The following DLG2 variants were observed in gnomAD, a reference collection of about 807,000 sequenced individuals.
DLG2 encodes disks large homolog 2.
DLG2 carries 45 observed loss-of-function variants against 132.5 expected under a neutral mutation model. That is an observed-to-expected ratio of 0.34 (90% CI 0.27 to 0.44). The LOEUF is 0.44. Among genes scored for constraint, DLG2 ranks in the 20% least tolerant of loss-of-function variants. The pLI is 1.00. For synonymous variants in DLG2, 424 were observed against 419.6 expected, an observed-to-expected ratio of 1.01 and a Z score of -0.13; for missense variants, 1,045 against 1,196.9, an observed-to-expected ratio of 0.87 and a Z score of 1.87.
chr11:85,081,192 C>T (rs894031488), intron 6 of DLG2, among the ~76,000 whole-genome samples: 6 of 152,140 alleles, frequency 3.9e-5, no homozygotes, highest in African/African-American at 1.4e-4. Context: ...ATTTATATAA[C>T]CTGAAAGTCA....
At chr11:85,440,139 T>C (rs1348548949) in intron 3 of DLG2, among the ~76,000 whole-genome samples, 1 of 152,226 alleles carries the variant, frequency 6.6e-6, no homozygotes, top group Non-Finnish European at 1.5e-5. Context: ...AAAGTGTTGA[T>C]ACACATAATG....
chr11:85,044,109 A>G (rs1359724256), intron 6 of DLG2, among the ~76,000 whole-genome samples: 4 of 151,930 alleles, frequency 2.6e-5, no homozygotes, highest in African/African-American at 7.2e-5. Flanking sequence ...TGCCCCATTC[A>G]TCTTGTTTCA....
chr11:85,121,825 G>T (rs1474340885), intron 5 of DLG2, among the ~76,000 whole-genome samples: 1 of 152,064 alleles, frequency 6.6e-6, no homozygotes, highest in African/African-American at 2.4e-5. Context: ...ATTGTGAAAT[G>T]CACATTATAT....
chr11:85,315,128 G>A (rs1387804397), intron 3 of DLG2, among the ~76,000 whole-genome samples: 1 of 151,894 alleles, frequency 6.6e-6, no homozygotes, highest in African/African-American at 2.4e-5. Flanking sequence ...ATTCCAGCCT[G>A]GAAAAGATAG....
chr11:85,380,901 C>T (rs1479839390), intron 3 of DLG2, among the ~76,000 whole-genome samples: 3 of 152,116 alleles, frequency 2.0e-5, no homozygotes, highest in African/African-American at 7.2e-5. Context: ...GAAGCAGCAA[C>T]CACAAACTCA....
intron 6 of DLG2, chr11:84,923,600 C>A (rs2092865849): frequency 1.0e-6 from 1 of 990,770 alleles, no homozygotes; most frequent in African/African-American, 1.7e-5. Flanking sequence ...GAAGAGGAAA[C>A]CCTTCTTCCT....
At chr11:83,699,842 CATGT>C (rs1278845375) in intron 18 of DLG2, among the ~76,000 whole-genome samples, 4 of 149,712 alleles carry the variant, frequency 2.7e-5, no homozygotes, top group Admixed American at 1.3e-4. Context: ...TCTATCTTTC[CATGT>C]ATGTATGTAT....
chr11:85,239,009 C>A (rs2075742692), intron 4 of DLG2, among the ~76,000 whole-genome samples: 1 of 152,002 alleles, frequency 6.6e-6, no homozygotes, highest in Non-Finnish European at 1.5e-5. Context: ...AGTGGCACTC[C>A]ATATGGTTCC....
intron 7 of DLG2, among the ~76,000 whole-genome samples, chr11:84,431,970 G>T (rs146624627): frequency 1.3e-5 from 2 of 151,988 alleles, no homozygotes; most frequent in Non-Finnish European, 2.9e-5. Context: ...AATATCATAC[G>T]AAAGACAACT....
intron 6 of DLG2, among the ~76,000 whole-genome samples, chr11:84,982,259 T>C (rs1210678518): frequency 6.6e-6 from 1 of 152,118 alleles, no homozygotes; most frequent in Non-Finnish European, 1.5e-5. Flanking sequence ...CAACTGCCTG[T>C]GTAACATCTC....
chr11:85,056,508 T>C (rs555079814), intron 6 of DLG2, among the ~76,000 whole-genome samples: 19 of 152,142 alleles, frequency 1.2e-4, no homozygotes, highest in Admixed American at 5.9e-4. Context: ...AAAAGACATA[T>C]ACATCATTAT....
chr11:85,332,137 A>G (rs896797117), intron 3 of DLG2, among the ~76,000 whole-genome samples: 6 of 152,140 alleles, frequency 3.9e-5, no homozygotes, highest in Non-Finnish European at 8.8e-5. Context: ...GTTATTTTCT[A>G]ACTTTTTAAT....
intron 11 of DLG2, among the ~76,000 whole-genome samples, chr11:83,997,922 A>T (rs995225816): frequency 2.0e-5 from 3 of 151,232 alleles, no homozygotes; most frequent in Non-Finnish European, 3.0e-5. Flanking sequence ...ACTTGAGGTC[A>T]GGAGTTCGAT....
At chr11:84,746,000 G>T (rs1296841742) in intron 6 of DLG2, among the ~76,000 whole-genome samples, 1 of 152,122 alleles carries the variant, frequency 6.6e-6, no homozygotes, top group African/African-American at 2.4e-5. Context: ...CACAGTTCAG[G>T]TCTATAAACA....
chr11:85,529,979 G>C (rs765385369), intron 3 of DLG2, among the ~76,000 whole-genome samples: 1 of 149,370 alleles, frequency 6.7e-6, no homozygotes, highest in Admixed American at 6.8e-5. Context: ...TCTGCCTAGA[G>C]AGGGTTTGTT....
intron 7 of DLG2, among the ~76,000 whole-genome samples, chr11:84,431,386 T>C (rs1182150052): frequency 2.0e-5 from 3 of 152,196 alleles, no homozygotes. Context: ...ATATTCACAG[T>C]TCTCAGCTCA....
chr11:84,762,541 T>C (rs530982584), intron 6 of DLG2, among the ~76,000 whole-genome samples: 21 of 152,286 alleles, frequency 1.4e-4, no homozygotes, highest in East Asian at 3.9e-4. Context: ...TCAGTTAATA[T>C]AGTTTTTTGC....
At chr11:85,280,792 T>C (rs1425306930) in intron 4 of DLG2, among the ~76,000 whole-genome samples, 1 of 152,024 alleles carries the variant, frequency 6.6e-6, no homozygotes, top group Non-Finnish European at 1.5e-5. Context: ...ATGAATTACT[T>C]ATAGTTCAGC....
In DLG2 at chr11:83,577,337, G is replaced by GAT. The variant is rs200933377; in HGVS notation, c.1941-35481_1941-35480dup. ...ATATATCTTATTAGTTCTAATAGGA[G>GAT]ATATATATATCTTATTAGTTCTAAT... On this transcript the variant is annotated intron_variant, in intron 19 of 27. Transcript: ENST00000376104. 1.0e-2 allele frequency among the ~76,000 whole-genome samples: 1,480 copies of GAT among 148,214 alleles called. 30 individuals carry two copies. The highest frequency in any genetic ancestry group is 0.033 in the African/African-American group (1,326 of 40,302).
Sources: allele counts gnomAD v4.1 joint callset (sites outside exome capture counted in the v4.1 genomes callset), GRCh38; gene constraint gnomAD v4.1.1; transcripts MANE v1.5; gene names NCBI Gene and HGNC (gene_info 2026-07-23, HGNC 2026-07-21).